NHLRC3: variants seen among roughly 807,000 people sequenced by gnomAD.
The protein encoded by NHLRC3 is NHL repeat-containing protein 3.
In NHLRC3, 23 loss-of-function variants were observed where a neutral mutation model predicts 32.0. That is an observed-to-expected ratio of 0.72 (90% CI 0.52 to 1.02). The LOEUF is 1.02. Among genes scored for constraint, NHLRC3 ranks in the 50% least tolerant of loss-of-function variants. The probability of loss-of-function intolerance (pLI) is 0.00; values close to 1 mark genes in which losing one functional copy is unlikely to be tolerated. For missense variants in NHLRC3, 407 were observed against 406.8 expected, an observed-to-expected ratio of 1.00 and a Z score of -0.01; for synonymous variants, 159 against 147.9, an observed-to-expected ratio of 1.08 and a Z score of -0.55.
upstream of NHLRC3, chr13:39,038,354 A>G (rs1871274993): frequency 2.1e-6 from 1 of 485,880 alleles, no homozygotes; most frequent in Non-Finnish European, 3.7e-6. Context: ...GACTGCCCTG[A>G]GGGCGGGAAA....
In NHLRC3 at chr13:39,038,572, A is replaced by C; in HGVS notation, c.-68A>C. The C allele has an allele frequency of 1.5e-6, 2 of 1,360,890 alleles. No homozygotes were observed. Among genetic ancestry groups the C allele is most frequent in the Non-Finnish European group, 2.1e-6 (2 of 949,072 alleles). 84.3% of individuals were successfully genotyped at this position (1,360,890 alleles called of 1,614,324 possible). A position where few individuals can be genotyped will look rare whatever the true frequency, so the allele number is the denominator to read the frequency against. The stretch of plus-strand genomic sequence containing the variant: ...CCTCTGTGCCGCTGCAAACCGTTGC[A>C]GCCTGAGGCTGTCAGGTCCTCCCCC... On this transcript the variant is annotated 5_prime_UTR_variant, in exon 1 of 7. Transcript: ENST00000379600.
intron 2 of NHLRC3, 122 bp from the exon 3 acceptor site, chr13:39,039,442 A>C: frequency 9.0e-7 from 1 of 1,114,430 alleles, no homozygotes; most frequent in East Asian, 2.4e-5. Flanking sequence ...AATGTGAAAG[A>C]TATGTTAGAT....
At chr13:39,041,917 A>AT in intron 3 of NHLRC3, 188 bp from the exon 4 acceptor site, 1 of 532,082 alleles carries the variant, frequency 1.9e-6, no homozygotes, top group Middle Eastern at 4.8e-4. Flanking sequence ...GGAGATTTTA[A>AT]TTCGTGATCA....
At chr13:39,038,837 C>T in intron 1 of NHLRC3, 114 bp downstream of exon 1, 1 of 899,842 alleles carries the variant, frequency 1.1e-6, no homozygotes, top group South Asian at 1.3e-5. Flanking sequence ...TAGCTTGTCT[C>T]AAAGCCTGCA....
chr13:39,041,651 A>G (rs1871470283), intron 3 of NHLRC3: 1 of 154,352 alleles, frequency 6.5e-6, no homozygotes, highest in South Asian at 2.0e-4. Context: ...AATCTGTACC[A>G]TAGAGAACGT....
At chr13:39,040,524 G>A (rs910919610) in intron 3 of NHLRC3, 23 of 152,132 alleles carry the variant, frequency 1.5e-4, no homozygotes, top group Admixed American at 4.6e-4. Context: ...ATTTTTAGTA[G>A]AAAAAGCTGA....
At chr13:39,043,641 G>T (rs1473403090) in intron 4 of NHLRC3, among the ~76,000 whole-genome samples, 3 of 152,054 alleles carry the variant, frequency 2.0e-5, no homozygotes, top group African/African-American at 7.3e-5. Flanking sequence ...ACATTCCCAG[G>T]TATCAGGAGT....
rs1407560126 is a variant in NHLRC3 at position 39,038,687 on chromosome 13, A to G, written c.48A>G (p.Ala16=). 1.2e-6 allele frequency: 2 copies of G among 1,613,974 alleles called. No homozygotes were observed. The highest frequency in any genetic ancestry group is 3.3e-5 in the Admixed American group (2 of 60,014). The change falls in exon 1 of 7, where the codon GCA becomes GCG. Residue 16 remains alanine, a synonymous_variant. Transcript: ENST00000379600. Reference sequence around the variant, plus strand: ...TAGCCGGTGCTGGCTTCTTTCTTGCATTTTTGGTTTTGCATTCGCGTTTTT... The same window carrying G: ...TAGCCGGTGCTGGCTTCTTTCTTGCGTTTTTGGTTTTGCATTCGCGTTTTT... The part of the protein sequence containing the change: ...VCVAGAGFFL[A]FLVLHSRFCG...
rs1871803093 is a variant in NHLRC3, at chr13:39,049,017, TG to T, written c.*1093del. The T allele has an allele frequency of 6.6e-6, 1 of 152,488 alleles. No individual in the cohort carries two copies. The highest frequency in any genetic ancestry group is 2.1e-4 in the South Asian group (1 of 4,826). The allele number at this position is 152,488 out of a possible 1,614,324, so 9.4% of individuals were successfully genotyped here. On this transcript the variant is annotated 3_prime_UTR_variant, in exon 7 of 7. Transcript: ENST00000379600. Reference sequence around the variant, plus strand: ...CATCTTCTCCTCCCACTCCCTCCTTTGGTGTGAATATTGGCTTCCCAATTAA... The same window carrying T: ...CATCTTCTCCTCCCACTCCCTCCTTTGTGTGAATATTGGCTTCCCAATTAA...
chr13:39,038,406 G>C (rs532963884), upstream of NHLRC3: 2 of 565,218 alleles, frequency 3.5e-6, no homozygotes, highest in East Asian at 6.0e-5. Context: ...ACATGAGGGC[G>C]GGGACCCCGA....
intron 5 of NHLRC3, among the ~76,000 whole-genome samples, chr13:39,044,962 A>G (rs1003286650): frequency 1.3e-5 from 2 of 152,118 alleles, no homozygotes; most frequent in African/African-American, 4.8e-5. Flanking sequence ...TGCTTACTGA[A>G]TCTCTTTTGC....
intron 2 of NHLRC3, 136 bp downstream of exon 2, chr13:39,039,424 T>A: frequency 4.7e-6 from 5 of 1,069,630 alleles, no homozygotes; most frequent in Non-Finnish European, 5.4e-6. Context: ...TCAAGTATTT[T>A]GGTTTCGAAT....
Position 39,042,101 on chromosome 13 carries a change from A to G in NHLRC3, c.386-4A>G. 1 of 1,544,208 alleles carries G rather than the reference A, an allele frequency of 6.5e-7. No individual in the cohort carries two copies. Among genetic ancestry groups the G allele is most frequent in the Non-Finnish European group, 9.0e-7 (1 of 1,116,866 alleles). ...TTGTGAGATGTACATATCTATCTTT[A>G]TAGGATTCTTTGGTCATACTGTTAA... On this transcript the variant is annotated splice_polypyrimidine_tract_variant and splice_region_variant and intron_variant, in intron 3 of 6. Coordinates refer to ENST00000379600, the MANE Select transcript of NHLRC3 (RefSeq NM_001012754.4).
intron 1 of NHLRC3, 164 bp from the exon 2 acceptor site, chr13:39,038,972 G>A (rs1245543249): frequency 1.5e-6 from 1 of 645,296 alleles, no homozygotes; most frequent in African/African-American, 1.8e-5. Flanking sequence ...TGGTCGTGTT[G>A]GTCTTTAGGC....
At chr13:39,043,442 T>A (rs2138153594) in intron 4 of NHLRC3, among the ~76,000 whole-genome samples, 1 of 152,286 alleles carries the variant, frequency 6.6e-6, no homozygotes, top group Non-Finnish European at 1.5e-5. Flanking sequence ...ATTCCTTGGC[T>A]TGTGGCAGCA....
chr13:39,039,989 C>T (rs1299255141), intron 3 of NHLRC3: 4 of 165,876 alleles, frequency 2.4e-5, no homozygotes, highest in African/African-American at 1.0e-4. Flanking sequence ...TCCTGGCCAA[C>T]ACGGTGAAAC....
At chr13:39,046,536 G>C (rs1349529875) in intron 5 of NHLRC3, among the ~76,000 whole-genome samples, 1 of 152,120 alleles carries the variant, frequency 6.6e-6, no homozygotes, top group Non-Finnish European at 1.5e-5. Context: ...ACATACCTTG[G>C]TAATAGCAGG....
At chr13:39,042,400 G>A (rs1453429969) in intron 4 of NHLRC3, 95 bp downstream of exon 4, 10 of 742,856 alleles carry the variant, frequency 1.3e-5, no homozygotes, top group South Asian at 1.0e-4. Context: ...TGTATGAAGC[G>A]GTGTGTAAAG....
intron 4 of NHLRC3, among the ~76,000 whole-genome samples, chr13:39,042,557 T>G (rs1424832533): frequency 1.3e-5 from 2 of 152,198 alleles, no homozygotes; most frequent in Non-Finnish European, 2.9e-5. Context: ...GAATTTCTAG[T>G]GGGCTCAGGA....
Sources: gnomAD v4.1 joint callset for allele counts (sites outside exome capture counted in the v4.1 genomes callset) on GRCh38, gnomAD v4.1.1 for gene constraint, MANE v1.5 for transcripts, NCBI Gene and HGNC (gene_info 2026-07-23, HGNC 2026-07-21) for gene names.